Variants in SCP2 observed in about 807,000 individuals in gnomAD.
SCP2 encodes SCP-2/3-oxoacyl-CoA thiolase.
In SCP2, 48 loss-of-function variants were observed where a neutral mutation model predicts 71.4. The observed-to-expected ratio is 0.67, with a 90% CI of 0.53 to 0.86. SCP2 has a LOEUF of 0.86. SCP2 is among the 40% of genes least tolerant of loss of function. The pLI is 0.00. For synonymous variants in SCP2, 220 were observed against 218.1 expected, an observed-to-expected ratio of 1.01 and a Z score of -0.08; for missense variants, 560 against 655.6, an observed-to-expected ratio of 0.85 and a Z score of 1.59.
chr1:53,037,968 CACACACACACACACACACACAT>C (rs1401469815), intron 13 of SCP2, among the ~76,000 whole-genome samples: 9 of 124,704 alleles, frequency 7.2e-5, no homozygotes, highest in East Asian at 7.1e-4. Context: ...CACACACACA[CACACACACACACACACACACAT>C]TCAATTAACC....
chr1:52,954,955 G>A (rs2150132017), intron 5 of SCP2, 151 bp downstream of exon 5: 2 of 699,936 alleles, frequency 2.9e-6, no homozygotes, highest in Admixed American at 2.1e-5. Flanking sequence ...TGCCAATGAT[G>A]AAACTGGTGT....
At chr1:52,976,938 C>G (rs1167088104) in intron 8 of SCP2, among the ~76,000 whole-genome samples, 169 bp downstream of exon 8, 1 of 152,116 alleles carries the variant, frequency 6.6e-6, no homozygotes, top group East Asian at 1.9e-4. Flanking sequence ...CTTCTTACTC[C>G]TGCCTGGAGA....
intron 15 of SCP2, chr1:53,048,294 G>C (rs777031330): frequency 6.0e-6 from 2 of 334,762 alleles, no homozygotes; most frequent in Non-Finnish European, 1.2e-5. Flanking sequence ...AGCAGCTCTT[G>C]AGCTTAGTAC....
chr1:52,983,865 T>C (rs574873624), intron 10 of SCP2, among the ~76,000 whole-genome samples: 4 of 152,348 alleles, frequency 2.6e-5, no homozygotes, highest in African/African-American at 9.6e-5. Flanking sequence ...TAGCAAACAA[T>C]TTTGGATTGT....
chr1:53,045,478 T>C (rs1197647458), intron 14 of SCP2, among the ~76,000 whole-genome samples: 1 of 152,210 alleles, frequency 6.6e-6, no homozygotes, highest in Admixed American at 6.5e-5. Flanking sequence ...TCTGGGAGCC[T>C]GATGAATAAA....
chr1:52,951,023 G>A (rs930409736), intron 4 of SCP2, 137 bp downstream of exon 4: 1 of 979,928 alleles, frequency 1.0e-6, no homozygotes, highest in Non-Finnish European at 1.6e-6. Context: ...GCTTATGCTT[G>A]TAACCCTAGC....
At chr1:52,963,287 G>A (rs918194031) in intron 6 of SCP2, among the ~76,000 whole-genome samples, 39 of 151,814 alleles carry the variant, frequency 2.6e-4, no homozygotes, top group African/African-American at 8.5e-4. Flanking sequence ...TAAACTCCAC[G>A]AAAGCAGGTC....
At chr1:52,949,795 C>G (rs1176462484) in intron 3 of SCP2, among the ~76,000 whole-genome samples, 1 of 152,134 alleles carries the variant, frequency 6.6e-6, no homozygotes, top group Non-Finnish European at 1.5e-5. Context: ...ATTGTGGGAG[C>G]TAAGAATGTA....
chr1:52,985,214 T>G (rs867310381), intron 10 of SCP2, among the ~76,000 whole-genome samples: 2 of 152,204 alleles, frequency 1.3e-5, no homozygotes, highest in Admixed American at 6.5e-5. Context: ...AGAATCCAGC[T>G]GCCTACTTTT....
intron 3 of SCP2, among the ~76,000 whole-genome samples, chr1:52,949,117 G>A (rs1477764270): frequency 2.0e-5 from 3 of 152,104 alleles, no homozygotes; most frequent in Non-Finnish European, 4.4e-5. Context: ...AATATATACA[G>A]TATTATTAAA....
rs1257678961 is a variant in SCP2 at position 52,990,186 on chromosome 1, GCAA to G, written c.1081+2066_1081+2068del. Among the ~76,000 whole-genome samples, 8 of 151,870 alleles carry G rather than the reference GCAA, an allele frequency of 5.3e-5. No homozygotes were observed. The South Asian group carries it at 1.0e-3, about 20-fold the overall frequency. On this transcript the variant is annotated intron_variant, in intron 11 of 15. Coordinates refer to ENST00000371514, the MANE Select transcript of SCP2 (RefSeq NM_002979.5). Reference sequence around the variant, plus strand: ...AAATAAACAACCACAACAATAAACAGCAACAACAACAACAACAAACTGGGAAAG... The same window carrying G: ...AAATAAACAACCACAACAATAAACAGCAACAACAACAACAAACTGGGAAAG...
At chr1:52,975,476 C>T (rs1324579286) in intron 7 of SCP2, among the ~76,000 whole-genome samples, 1 of 152,052 alleles carries the variant, frequency 6.6e-6, no homozygotes, top group Non-Finnish European at 1.5e-5. Flanking sequence ...CCGCACCCAG[C>T]CTGTATTTTT....
intron 13 of SCP2, among the ~76,000 whole-genome samples, chr1:53,028,576 A>G (rs1662299587): frequency 6.6e-6 from 1 of 151,708 alleles, no homozygotes; most frequent in South Asian, 2.1e-4. Context: ...AAAATACTAT[A>G]CAGAAATATA....
chr1:53,027,393 C>T (rs540134528), intron 12 of SCP2, among the ~76,000 whole-genome samples: 60 of 152,190 alleles, frequency 3.9e-4, no homozygotes, highest in Non-Finnish European at 6.9e-4. Flanking sequence ...ATTGTCTCCT[C>T]CACTAGGATG....
At chr1:53,001,006 T>C (rs948513783) in intron 11 of SCP2, among the ~76,000 whole-genome samples, 6 of 152,060 alleles carry the variant, frequency 3.9e-5, no homozygotes, top group Non-Finnish European at 8.8e-5. Context: ...TCTCTCTCTA[T>C]ATGTATGTTC....
At chr1:53,024,263 T>C (rs186758663) in intron 12 of SCP2, among the ~76,000 whole-genome samples, 1 of 152,162 alleles carries the variant, frequency 6.6e-6, no homozygotes, top group East Asian at 1.9e-4. Context: ...TTCAAAATTA[T>C]AGAGACAGAA....
intron 1 of SCP2, among the ~76,000 whole-genome samples, chr1:52,941,042 C>G (rs1050897235): frequency 6.6e-6 from 1 of 152,218 alleles, no homozygotes; most frequent in Non-Finnish European, 1.5e-5. Flanking sequence ...AGCCACCACA[C>G]CCAGCCATCC....
intron 5 of SCP2, among the ~76,000 whole-genome samples, chr1:52,961,173 A>G (rs1572094359): frequency 6.8e-6 from 1 of 147,006 alleles, no homozygotes; most frequent in Middle Eastern, 3.6e-3. Context: ...GGTGTGCTGC[A>G]TCCATTAACT....
At chr1:53,023,763 G>C (rs1305117559) in intron 12 of SCP2, among the ~76,000 whole-genome samples, 1 of 152,154 alleles carries the variant, frequency 6.6e-6, no homozygotes, top group African/African-American at 2.4e-5. Context: ...CACAGAGTCT[G>C]CTTGCTGGAG....
Sources: allele counts gnomAD v4.1 joint callset (sites outside exome capture counted in the v4.1 genomes callset), GRCh38; gene constraint gnomAD v4.1.1; transcripts MANE v1.5; gene names NCBI Gene and HGNC (gene_info 2026-07-23, HGNC 2026-07-21).